The following ENTPD6 variants were observed in gnomAD, a reference collection of about 807,000 sequenced individuals.
ENTPD6 encodes the protein ectonucleoside triphosphate diphosphohydrolase 6.
A neutral mutation model predicts 61.5 loss-of-function variants in ENTPD6; 46 were observed. The observed-to-expected ratio is 0.75, with a 90% CI of 0.59 to 0.96. The LOEUF is 0.96. ENTPD6 is among the 40% of genes least tolerant of loss of function. ENTPD6 has a pLI of 0.00. For missense variants in ENTPD6, 612 were observed against 629.0 expected (o/e 0.97, Z 0.29); for synonymous variants, 252 against 255.5 (o/e 0.99, Z 0.13).
chr20:25,200,466 G>A (rs1319230853), intron 1 of ENTPD6, among the ~76,000 whole-genome samples: 1 of 151,350 alleles, frequency 6.6e-6, no homozygotes, highest in Non-Finnish European at 1.5e-5. Context: ...TATTGCCTGT[G>A]CTTTTGGTGT....
At chr20:25,205,706 G>C (rs2091431142) in intron 1 of ENTPD6, among the ~76,000 whole-genome samples, 1 of 152,214 alleles carries the variant, frequency 6.6e-6, no homozygotes, top group South Asian at 2.1e-4. Context: ...GGTTTTTCCT[G>C]TCTCCTGCTC....
At chr20:25,224,565 C>T (rs2092741723) in intron 13 of ENTPD6, 1 of 161,562 alleles carries the variant, frequency 6.2e-6, no homozygotes, top group South Asian at 2.0e-4. Flanking sequence ...TCTCCACTGT[C>T]TCCTTCACGC....
chr20:25,211,307 T>A (rs2091944001), intron 4 of ENTPD6, among the ~76,000 whole-genome samples: 2 of 152,234 alleles, frequency 1.3e-5, no homozygotes, highest in African/African-American at 4.8e-5. Flanking sequence ...TTAAACCTGA[T>A]TAAATTAGAT....
At chr20:25,196,358 C>A in intron 1 of ENTPD6, 1 of 458,042 alleles carries the variant, frequency 2.2e-6, no homozygotes, top group Non-Finnish European at 2.9e-6. Context: ...CGGTTCTGCC[C>A]GAGCTGACCT....
In ENTPD6 at chr20:25,214,848, C is replaced by T. The variant is rs201526370; in HGVS notation, c.598-19C>T. On this transcript the variant is annotated intron_variant, in intron 5 of 14. Transcript: ENST00000376652. The stretch of plus-strand genomic sequence containing the variant: ...TCATTCATTCTAAAGGATGAAGTAA[C>T]ATCTCTCTTTACATTTAGGTGAAAA... 3.3e-5 allele frequency: 43 copies of T among 1,304,760 alleles called. No individual in the cohort carries two copies. Among genetic ancestry groups the T allele is most frequent in the Non-Finnish European group, 4.5e-5 (40 of 898,082 alleles). 80.8% of individuals were successfully genotyped at this position (1,304,760 alleles called of 1,614,324 possible).
At chr20:25,209,260 C>T (rs2091773897) in intron 3 of ENTPD6, among the ~76,000 whole-genome samples, 1 of 151,984 alleles carries the variant, frequency 6.6e-6, no homozygotes, top group Non-Finnish European at 1.5e-5. Flanking sequence ...CAGGCGCCCG[C>T]CACCACGCCC....
In ENTPD6 at chr20:25,198,760, G is replaced by A. The variant is rs144516671; in HGVS notation, c.-16+2893G>A. 4.2e-3 allele frequency among the ~76,000 whole-genome samples: 642 copies of A among 152,180 alleles called. 13 individuals are homozygous for A. Among genetic ancestry groups the A allele is most frequent in the Admixed American group, 0.038 (574 of 15,278 alleles). On this transcript the variant is annotated intron_variant, in intron 1 of 14. Transcript: ENST00000376652. ...GTCTCTTCTCCCAGTCTCAGCTGAC[G>A]TTGCCTTAATGTGCATCATTCCCAG...
rs192322879 is a variant in ENTPD6 at position 25,211,585 on chromosome 20, T to C, written c.453+1660T>C. Among the ~76,000 whole-genome samples, 4 of 152,362 alleles carry C rather than the reference T, an allele frequency of 2.6e-5. No individual in the cohort carries two copies. The East Asian group carries it at 7.7e-4, about 29-fold the overall frequency. On this transcript the variant is annotated intron_variant, in intron 4 of 14. Coordinates refer to ENST00000376652, the MANE Select transcript of ENTPD6 (RefSeq NM_001247.5). ...ACACCGAGGCCTTTGGCTTTGCTGC[T>C]GAGCAGGATAATTAGAGAGCGTTTA...
intron 12 of ENTPD6, 49 bp downstream of exon 12, chr20:25,223,027 C>CCTGGGGGG: frequency 2.0e-6 from 1 of 490,360 alleles, no homozygotes; most frequent in Non-Finnish European, 3.2e-6. Flanking sequence ...CGGCAGGGGG[C>CCTGGGGGG]GGGGGTGGAG....
chr20:25,213,897 C>T (rs532162716), intron 5 of ENTPD6, among the ~76,000 whole-genome samples: 46 of 152,340 alleles, frequency 3.0e-4, no homozygotes, highest in African/African-American at 1.1e-3. Context: ...CTGCACTGAA[C>T]TGTGATTATG....
At position 25,195,772 on chromosome 20, in the gene ENTPD6, G is replaced by A. The variant is rs572248202; in HGVS notation, c.-111G>A. The A allele has an allele frequency of 2.6e-5, 28 of 1,087,114 alleles. 1 individual carries two copies. In the South Asian group the frequency reaches 1.1e-3, roughly 44 times the overall value. 67.3% of individuals were successfully genotyped at this position (1,087,114 alleles called of 1,614,324 possible). A position where few individuals can be genotyped will look rare whatever the true frequency, so the allele number is the denominator to read the frequency against. On this transcript the variant is annotated 5_prime_UTR_variant, in exon 1 of 15. Transcript: ENST00000376652. ...TCCCGCGGGTGGAGGCCGGGGTGGC[G>A]CCGGCCGGGGCGGGGGAGCCCAAAA...
intron 12 of ENTPD6, 49 bp downstream of exon 12, chr20:25,223,027 C>CGGGGGGTGGGGGGGGCTGGGGGG: frequency 2.0e-6 from 1 of 490,374 alleles, no homozygotes; most frequent in Non-Finnish European, 3.2e-6. Flanking sequence ...CGGCAGGGGG[C>CGGGGGGTGGGGGGGGCTGGGGGG]GGGGGTGGAG....
intron 4 of ENTPD6, among the ~76,000 whole-genome samples, chr20:25,212,874 T>C (rs1169120283): frequency 6.6e-6 from 1 of 152,128 alleles, no homozygotes. Context: ...CCCGGCTAAT[T>C]TTTTGTATTT....
rs1334825957 is a variant in ENTPD6 at position 25,213,271 on chromosome 20, G to C, written c.462G>C (p.Gln154His). The stretch of plus-strand genomic sequence containing the variant: ...TCTTACCACGTTCACAGAGCGCTCA[G>C]GGAATCCGGGAACTACTGGATGTTG... ...AYADDVEKSA[Q>H]GIRELLDVAK... Residue 154 changes from glutamine (Q) to histidine (H), a missense_variant, in exon 5 of 15, where the codon CAG becomes CAC. By Grantham distance (24) the Gln-to-His change is conservative. Coordinates refer to ENST00000376652, the MANE Select transcript of ENTPD6 (RefSeq NM_001247.5). 1.9e-6 allele frequency: 3 copies of C among 1,614,148 alleles called. No homozygotes were observed. The highest frequency in any genetic ancestry group is 2.7e-5 in the African/African-American group (2 of 74,948).
Position 25,225,629 on chromosome 20 carries a change from GTC to G in ENTPD6, c.*34_*35del. On this transcript the variant is annotated 3_prime_UTR_variant, in exon 15 of 15. Transcript: ENST00000376652. ...AGCCATCCCTGTCCCCGTCAGCAGT[GTC>G]TGTGTGTCTGCATAAACCCTCCTGT... 1 of 1,561,742 alleles carries G rather than the reference GTC, an allele frequency of 6.4e-7. No individual in the cohort carries two copies. Among genetic ancestry groups the G allele is most frequent in the South Asian group, 1.1e-5 (1 of 89,130 alleles).
intron 1 of ENTPD6, among the ~76,000 whole-genome samples, chr20:25,199,889 C>T (rs1465459703): frequency 6.6e-6 from 1 of 152,164 alleles, no homozygotes; most frequent in Non-Finnish European, 1.5e-5. Context: ...ATCCATCTGT[C>T]GATGGATGTT....
At chr20:25,223,115 A>T in intron 12 of ENTPD6, 137 bp downstream of exon 12, 4 of 953,462 alleles carry the variant, frequency 4.2e-6, no homozygotes, top group Non-Finnish European at 6.1e-6. Flanking sequence ...GGCCAGAAGC[A>T]GATTTGAGAA....
intron 1 of ENTPD6, chr20:25,196,093 G>T: frequency 9.2e-7 from 1 of 1,090,310 alleles, no homozygotes; most frequent in South Asian, 4.8e-5. Flanking sequence ...CACAGGGCGG[G>T]CCAAATAGCA....
chr20:25,225,302 G>C lies in ENTPD6; in HGVS notation c.1341G>C (p.Arg447Ser), dbSNP rs1395963568. 1 of 1,612,964 alleles carries C rather than the reference G, an allele frequency of 6.2e-7. No homozygotes were observed. The highest frequency in any genetic ancestry group is 8.5e-7 in the Non-Finnish European group (1 of 1,179,958). ...SLLLQEFGFP[R>S]SKVLKLTRKI... ...TACTCCAGGAGTTCGGCTTTCCCAG[G>C]AGCAAAGTGCTGAAGGTAAGGGTGC... The change falls in exon 14 of 15, where the codon AGG becomes AGC. Residue 447 changes from arginine to serine, a missense_variant. Transcript: ENST00000376652.
Sources: allele counts gnomAD v4.1 joint callset (sites outside exome capture counted in the v4.1 genomes callset), GRCh38; gene constraint gnomAD v4.1.1; transcripts MANE v1.5; gene names NCBI Gene and HGNC (gene_info 2026-07-23, HGNC 2026-07-21).